ENOX2: variants seen among roughly 807,000 people sequenced by gnomAD.
The protein encoded by ENOX2 is ecto-NOX disulfide-thiol exchanger 2.
ENOX2 carries 36 observed loss-of-function variants against 45.0 expected under a neutral mutation model. That is an observed-to-expected ratio of 0.80 (90% CI 0.61 to 1.06). The LOEUF is 1.06. Ranked by LOEUF, ENOX2 falls within the 50% of genes least tolerant of loss-of-function variation. The pLI is 0.00. For missense variants in ENOX2, 423 were observed against 462.5 expected (o/e 0.91, Z 0.78); for synonymous variants, 174 against 152.3 (o/e 1.14, Z -1.05).
chrX:130,675,033 G>C (rs1341423595), intron 6 of ENOX2, among the ~76,000 whole-genome samples: 2 of 102,003 alleles, frequency 2.0e-5, no homozygotes, highest in Non-Finnish European at 4.0e-5. Context: ...GGACATTTGG[G>C]TTGGTTCCAA....
At chrX:130,724,885 T>C (rs2038569063) in intron 3 of ENOX2, among the ~76,000 whole-genome samples, 1 of 111,597 alleles carries the variant, frequency 9.0e-6, no homozygotes, top group Non-Finnish European at 1.9e-5. Context: ...AGTGCTTATT[T>C]ACCAACTGGT....
chrX:130,838,321 G>T (rs2077961468), intron 2 of ENOX2, among the ~76,000 whole-genome samples: 1 of 112,034 alleles, frequency 8.9e-6, no homozygotes, highest in African/African-American at 3.2e-5. Flanking sequence ...GACAGAGGTT[G>T]CAGTGAGCCG....
At chrX:130,881,237 T>C (rs1169677694) in intron 2 of ENOX2, among the ~76,000 whole-genome samples, 1 of 112,711 alleles carries the variant, frequency 8.9e-6, no homozygotes, top group East Asian at 2.8e-4. Flanking sequence ...GAATACTTCA[T>C]CATCTAACAC....
chrX:130,841,675 G>A (rs1383812995), intron 2 of ENOX2, among the ~76,000 whole-genome samples: 2 of 112,037 alleles, frequency 1.8e-5, no homozygotes, highest in Admixed American at 9.5e-5. Context: ...CCAACATTAA[G>A]CCTCCCTTTG....
intron 2 of ENOX2, among the ~76,000 whole-genome samples, chrX:130,809,923 A>G (rs1208629630): frequency 9.0e-6 from 1 of 111,527 alleles, no homozygotes; most frequent in South Asian, 3.8e-4. Flanking sequence ...TCCTCTCCCC[A>G]CAGAAACATC....
intron 5 of ENOX2, among the ~76,000 whole-genome samples, chrX:130,686,054 C>T (rs979319889): frequency 1.8e-5 from 2 of 111,448 alleles, no homozygotes; most frequent in East Asian, 5.7e-4. Context: ...CCCTGAATCA[C>T]AGGACCTTAT....
intron 10 of ENOX2, among the ~76,000 whole-genome samples, chrX:130,653,039 T>C (rs1003962258): frequency 1.1e-4 from 12 of 112,088 alleles, no homozygotes; most frequent in Admixed American, 3.8e-4. Context: ...AATCAACAGG[T>C]CTCCAGTCTC....
chrX:130,795,567 T>A (rs1030097391), intron 2 of ENOX2, among the ~76,000 whole-genome samples: 3 of 112,221 alleles, frequency 2.7e-5, no homozygotes, highest in African/African-American at 9.7e-5. Context: ...CTTGACAGTA[T>A]GTAAGGCTTG....
At chrX:130,685,992 G>A (rs746237494) in intron 5 of ENOX2, among the ~76,000 whole-genome samples, 2 of 111,605 alleles carry the variant, frequency 1.8e-5, no homozygotes, top group African/African-American at 6.5e-5. Flanking sequence ...GGAATGGATG[G>A]CAAAGATACT....
intron 3 of ENOX2, among the ~76,000 whole-genome samples, chrX:130,739,175 T>A (rs935888670): frequency 5.3e-5 from 6 of 112,569 alleles, no homozygotes; most frequent in Non-Finnish European, 9.4e-5. Context: ...AATTTTGAAT[T>A]TTAATCTTTT....
Position 130,623,321 on chromosome X carries a change from T to A in ENOX2, c.*1993A>T, listed in dbSNP as rs899852064. 3 of 111,460 alleles carry A rather than the reference T, an allele frequency of 2.7e-5. No homozygotes were observed. The highest frequency in any genetic ancestry group is 9.8e-5 in the African/African-American group (3 of 30,611). 9.2% of individuals were successfully genotyped at this position (111,460 alleles called of 1,213,427 possible). ...TATTTAGGTGTGGCAGCTGTTGCTT[T>A]AAAAATTTTTTTTAATGTATTAATA... is the stretch of plus-strand genomic sequence containing the variant. On this transcript the variant is annotated 3_prime_UTR_variant, in exon 15 of 15. Coordinates refer to ENST00000394363, the MANE Select transcript of ENOX2 (RefSeq NM_006375.4).
At chrX:130,633,288 C>G (rs968040916) in intron 12 of ENOX2, among the ~76,000 whole-genome samples, 2 of 111,953 alleles carry the variant, frequency 1.8e-5, no homozygotes, top group East Asian at 5.6e-4. Flanking sequence ...AAACTTATTG[C>G]TTTCCTTTCA....
At chrX:130,689,164 T>G (rs2037526017) in intron 4 of ENOX2, 146 bp from the exon 5 acceptor site, 1 of 451,379 alleles carries the variant, frequency 2.2e-6, no homozygotes. Context: ...TCCCAGGTCT[T>G]AAATATTATC....
intron 10 of ENOX2, among the ~76,000 whole-genome samples, chrX:130,648,177 C>G (rs1179697924): frequency 1.8e-5 from 2 of 111,682 alleles, no homozygotes; most frequent in Non-Finnish European, 3.8e-5. Flanking sequence ...ATTAAACTGG[C>G]TGGGTGCAGT....
At chrX:130,801,392 G>T (rs1203693046) in intron 2 of ENOX2, among the ~76,000 whole-genome samples, 1 of 111,607 alleles carries the variant, frequency 9.0e-6, no homozygotes, top group East Asian at 2.8e-4. Flanking sequence ...AGATTTTTGG[G>T]CTACAAATCT....
chrX:130,719,533 G>T (rs1472452444), intron 3 of ENOX2, among the ~76,000 whole-genome samples: 2 of 111,030 alleles, frequency 1.8e-5, no homozygotes. Context: ...AGGTTGTAAG[G>T]CTCTTGCCCT....
At chrX:130,686,089 T>C (rs956731995) in intron 5 of ENOX2, among the ~76,000 whole-genome samples, 10 of 110,924 alleles carry the variant, frequency 9.0e-5, no homozygotes, top group African/African-American at 3.3e-4. Flanking sequence ...TCAGAGGCCA[T>C]TGAGTGTAAG....
chrX:130,886,118 C>G (rs1308377551), intron 2 of ENOX2, among the ~76,000 whole-genome samples: 3 of 112,536 alleles, frequency 2.7e-5, no homozygotes, highest in Non-Finnish European at 5.6e-5. Context: ...TTCAATTCAG[C>G]AGCTGTTGGT....
At chrX:130,823,878 GA>G (rs1229223058) in intron 2 of ENOX2, among the ~76,000 whole-genome samples, 1 of 111,849 alleles carries the variant, frequency 8.9e-6, no homozygotes, top group Non-Finnish European at 1.9e-5. Flanking sequence ...AGATGTGTAC[GA>G]AAAGCCCTCC....
Sources: gnomAD v4.1 joint callset for allele counts (sites outside exome capture counted in the v4.1 genomes callset) on GRCh38, gnomAD v4.1.1 for gene constraint, MANE v1.5 for transcripts, NCBI Gene and HGNC (gene_info 2026-07-23, HGNC 2026-07-21) for gene names.